Variants in ZFAND2A observed in about 807,000 individuals in gnomAD.
The protein encoded by ZFAND2A is AN1-type zinc finger protein 2A.
A neutral mutation model predicts 11.6 loss-of-function variants in ZFAND2A; 20 were observed. The observed-to-expected ratio is 1.72, with a 90% CI of 1.21 to 2.50. The LOEUF (loss-of-function observed/expected upper bound fraction) is 2.50. ZFAND2A is among the 30% of genes most tolerant of loss of function. The probability of loss-of-function intolerance (pLI) is 0.00; values close to 1 mark genes in which losing one functional copy is unlikely to be tolerated. For synonymous variants in ZFAND2A, 93 were observed against 60.6 expected, an observed-to-expected ratio of 1.54 and a Z score of -2.48; for missense variants, 234 against 182.9, an observed-to-expected ratio of 1.28 and a Z score of -1.61.
At chr7:1,155,629 TAAAC>T in intron 3 of ZFAND2A, 45 bp from the exon 4 acceptor site, 1 of 1,598,902 alleles carries the variant, frequency 6.3e-7, no homozygotes. Flanking sequence ...TCATGCAACT[TAAAC>T]TCACAGAAGT....
intron 3 of ZFAND2A, among the ~76,000 whole-genome samples, chr7:1,156,818 C>T (rs190446079): frequency 2.1e-3 from 322 of 152,346 alleles, no homozygotes; most frequent in Non-Finnish European, 3.4e-3. Context: ...AAACGGTCTC[C>T]AGCCAGACCC....
At chr7:1,150,095 G>A (rs1584020782), downstream of ZFAND2A, among the ~76,000 whole-genome samples, 1 of 151,612 alleles carries the variant, frequency 6.6e-6, no homozygotes, top group East Asian at 1.9e-4. Flanking sequence ...ATACCACAAT[G>A]TACCCCATCA....
At position 1,152,911 on chromosome 7, in the gene ZFAND2A, C is replaced by T. The variant is rs922085368; in HGVS notation, c.*158G>A. The T allele has an allele frequency of 2.7e-6, 3 of 1,099,446 alleles. No individual in the cohort carries two copies. Among genetic ancestry groups the T allele is most frequent in the Non-Finnish European group, 4.1e-6 (3 of 737,284 alleles). 68.1% of individuals were successfully genotyped at this position (1,099,446 alleles called of 1,614,324 possible). ...GGGCAATGAGAACAACTAGAATCAA[C>T]TTCAGCATTCAATTTTATTATAGTC... On this transcript the variant is annotated 3_prime_UTR_variant, in exon 5 of 5. Coordinates refer to ENST00000316495, the MANE Select transcript of ZFAND2A (RefSeq NM_182491.4).
downstream of ZFAND2A, among the ~76,000 whole-genome samples, chr7:1,150,155 TAA>T (rs149409812): frequency 6.7e-6 from 1 of 148,956 alleles, no homozygotes; most frequent in Non-Finnish European, 1.5e-5. Flanking sequence ...TTTGTCAGAT[TAA>T]AAAAAAAAGA....
At chr7:1,158,941 C>CCCGG (rs1793602751) in intron 1 of ZFAND2A, among the ~76,000 whole-genome samples, 1 of 152,192 alleles carries the variant, frequency 6.6e-6, no homozygotes, top group Non-Finnish European at 1.5e-5. Flanking sequence ...ACCAGCCCCT[C>CCCGG]CCGGGGCCTT....
At chr7:1,150,501 C>T (rs888130835), downstream of ZFAND2A, among the ~76,000 whole-genome samples, 1 of 152,152 alleles carries the variant, frequency 6.6e-6, no homozygotes. Context: ...ATGAGCAGAG[C>T]GGCTGTCAGT....
chr7:1,150,565 G>C (rs1414216007), downstream of ZFAND2A, among the ~76,000 whole-genome samples: 1 of 152,156 alleles, frequency 6.6e-6, no homozygotes, highest in Non-Finnish European at 1.5e-5. Flanking sequence ...CACAAAATCA[G>C]ACGGTGGTGG....
chr7:1,155,671 CTT>C, intron 3 of ZFAND2A, 87 bp from the exon 4 acceptor site: 1 of 1,520,658 alleles, frequency 6.6e-7, no homozygotes. Flanking sequence ...GTGCGGCACA[CTT>C]AAACACAAAG....
downstream of ZFAND2A, among the ~76,000 whole-genome samples, chr7:1,149,403 T>C (rs1370994872): frequency 6.6e-6 from 1 of 152,148 alleles, no homozygotes; most frequent in Non-Finnish European, 1.5e-5. Context: ...CAGCTCCAGG[T>C]GTAAACCTGA....
chr7:1,152,262 CGA>C (rs1563158887), downstream of ZFAND2A: 1 of 1,577,036 alleles, frequency 6.3e-7, no homozygotes, highest in East Asian at 2.3e-5. Context: ...AACCAGTACC[CGA>C]GTCGCTGGGC....
downstream of ZFAND2A, among the ~76,000 whole-genome samples, chr7:1,149,283 A>G (rs1426423283): frequency 6.6e-6 from 1 of 152,192 alleles, no homozygotes; most frequent in Non-Finnish European, 1.5e-5. Flanking sequence ...CACACCGAAC[A>G]CTGTGCTGGC....
downstream of ZFAND2A, among the ~76,000 whole-genome samples, chr7:1,149,658 C>T (rs1289395715): frequency 6.6e-6 from 1 of 152,194 alleles, no homozygotes; most frequent in African/African-American, 2.4e-5. Context: ...TCCTCCACAC[C>T]CAGGCTGTAG....
chr7:1,154,147 A>G (rs1309761276), intron 4 of ZFAND2A, among the ~76,000 whole-genome samples: 3 of 151,584 alleles, frequency 2.0e-5, no homozygotes, highest in Non-Finnish European at 2.9e-5. Flanking sequence ...TGTCCCCATC[A>G]AGGGAATATC....
chr7:1,150,643 C>T (rs1305747780), downstream of ZFAND2A, among the ~76,000 whole-genome samples: 1 of 152,196 alleles, frequency 6.6e-6, no homozygotes, highest in African/African-American at 2.4e-5. Context: ...TCACTACCCC[C>T]CTTCCCTCCC....
downstream of ZFAND2A, among the ~76,000 whole-genome samples, chr7:1,152,710 T>C (rs113039012): frequency 0.014 from 2,125 of 151,414 alleles, 25 homozygotes; most frequent in Middle Eastern, 0.024. Context: ...AGACGGGGGT[T>C]GTGCATTGAC....
chr7:1,154,564 C>G lies in ZFAND2A; in HGVS notation c.282+889G>C, dbSNP rs34681498. On this transcript the variant is annotated intron_variant, in intron 4 of 4. Transcript: ENST00000316495. ...CAGAGGCTTAAGAGACCTCCAGAGG[C>G]TGAGGGTCCCAGGGCACAGCCACAG... Among the ~76,000 whole-genome samples, 14 of 152,292 alleles carry G rather than the reference C, an allele frequency of 9.2e-5. No homozygotes were observed. In the East Asian group the frequency reaches 2.3e-3, roughly 25 times the overall value.
At chr7:1,151,822 G>A (rs1343279528), downstream of ZFAND2A, among the ~76,000 whole-genome samples, 6 of 149,194 alleles carry the variant, frequency 4.0e-5, no homozygotes, top group East Asian at 3.9e-4. Context: ...AAGATGGCCC[G>A]GAGGTGCTGC....
intron 4 of ZFAND2A, among the ~76,000 whole-genome samples, chr7:1,154,736 A>G (rs1311094541): frequency 4.6e-5 from 7 of 152,356 alleles, no homozygotes; most frequent in Non-Finnish European, 1.0e-4. Context: ...ACTGTAAAGT[A>G]TTGAACATCA....
downstream of ZFAND2A, among the ~76,000 whole-genome samples, chr7:1,150,296 CCGTTA>C (rs1793374974): frequency 6.6e-6 from 1 of 152,062 alleles, no homozygotes; most frequent in South Asian, 2.1e-4. Flanking sequence ...CAAACCCTTC[CCGTTA>C]CATTTTTAGA....
Sources: gnomAD v4.1 joint callset for allele counts (sites outside exome capture counted in the v4.1 genomes callset) on GRCh38, gnomAD v4.1.1 for gene constraint, MANE v1.5 for transcripts, NCBI Gene and HGNC (gene_info 2026-07-23, HGNC 2026-07-21) for gene names.